Variants in STK24 observed in about 807,000 individuals in gnomAD.
STK24 encodes serine/threonine kinase 24.
A neutral mutation model predicts 55.6 loss-of-function variants in STK24; 21 were observed. The ratio of observed to expected loss-of-function variants is 0.38; its 90% CI spans 0.27 to 0.54. The LOEUF (loss-of-function observed/expected upper bound fraction) is 0.54, where lower values mean the gene tolerates loss of function less well. Ranked by LOEUF, STK24 falls within the 20% of genes least tolerant of loss-of-function variation. The probability of loss-of-function intolerance (pLI) is 0.79; values close to 1 mark genes in which losing one functional copy is unlikely to be tolerated. For missense variants in STK24, 383 were observed against 538.4 expected, an observed-to-expected ratio of 0.71 and a Z score of 2.86; for synonymous variants, 200 against 215.2, an observed-to-expected ratio of 0.93 and a Z score of 0.62.
At chr13:98,546,147 G>A (rs1344557911) in intron 1 of STK24, among the ~76,000 whole-genome samples, 2 of 152,196 alleles carry the variant, frequency 1.3e-5, no homozygotes, top group Non-Finnish European at 2.9e-5. Context: ...CAAAGGCTGG[G>A]CAGGGTGCTG....
At chr13:98,555,838 A>G (rs9517347) in intron 1 of STK24, among the ~76,000 whole-genome samples, 36,648 of 150,354 alleles carry the variant, frequency 0.24, 5,151 homozygotes, top group African/African-American at 0.39. Context: ...CCGCCACCAC[A>G]CCCGGTTAAT....
intron 5 of STK24, among the ~76,000 whole-genome samples, chr13:98,470,429 C>T (rs562631706): frequency 3.9e-5 from 6 of 152,268 alleles, no homozygotes; most frequent in East Asian, 3.9e-4. Flanking sequence ...CTGTGCCTGG[C>T]CTATGTCTGA....
At position 98,568,239 on chromosome 13, in the gene STK24, C is replaced by T. The variant is rs139390724; in HGVS notation, c.42+8506G>A. 8.6e-3 allele frequency among the ~76,000 whole-genome samples: 1,315 copies of T among 152,198 alleles called. 26 individuals are homozygous for T. The highest frequency in any genetic ancestry group is 0.029 in the African/African-American group (1,209 of 41,522). On this transcript the variant is annotated intron_variant, in intron 1 of 10. Transcript: ENST00000539966. ...CTCGAAATCCTGACCTCAAATGATCCACCCGCTTCGGCCTCCCAAAGTGCT... is the reference window on the plus strand; with the variant it reads ...CTCGAAATCCTGACCTCAAATGATCTACCCGCTTCGGCCTCCCAAAGTGCT...
chr13:98,515,991 T>C (rs1896043508), intron 2 of STK24, among the ~76,000 whole-genome samples: 1 of 152,352 alleles, frequency 6.6e-6, no homozygotes, highest in South Asian at 2.1e-4. Flanking sequence ...CCATTTGTCT[T>C]ACAAATCCAT....
Position 98,523,993 on chromosome 13 carries a change from A to G in STK24, c.43-4520T>C, listed in dbSNP as rs149287935. On this transcript the variant is annotated intron_variant, in intron 1 of 10. Transcript: ENST00000539966. ...GTGGCCGCCCCACTCTTCCTGTCCC[A>G]CAATTCTTGTTGAGCTGAGGCTCTC... Among the ~76,000 whole-genome samples, 926 of 151,994 alleles carry G rather than the reference A, an allele frequency of 6.1e-3. 9 individuals carry two copies. The highest frequency in any genetic ancestry group is 0.021 in the African/African-American group (874 of 41,468).
At chr13:98,571,882 G>A (rs1466331885) in intron 1 of STK24, among the ~76,000 whole-genome samples, 2 of 152,144 alleles carry the variant, frequency 1.3e-5, no homozygotes, top group Admixed American at 6.5e-5. Context: ...CCTCTTCCCT[G>A]AAGTGCTGCA....
intron 2 of STK24, among the ~76,000 whole-genome samples, chr13:98,486,289 C>T (rs531969477): frequency 3.3e-5 from 5 of 151,986 alleles, no homozygotes; most frequent in Non-Finnish European, 7.4e-5. Flanking sequence ...GCCGCACTCG[C>T]GCCACACCCC....
intron 6 of STK24, among the ~76,000 whole-genome samples, 181 bp from the exon 7 acceptor site, chr13:98,464,017 C>T (rs1419380658): frequency 6.6e-6 from 1 of 152,204 alleles, no homozygotes; most frequent in Non-Finnish European, 1.5e-5. Context: ...TACGCCTGGG[C>T]TCTGGGTGCT....
intron 1 of STK24, among the ~76,000 whole-genome samples, chr13:98,523,219 A>G (rs1229753627): frequency 6.6e-6 from 1 of 152,098 alleles, no homozygotes; most frequent in Non-Finnish European, 1.5e-5. Flanking sequence ...AAACACCATC[A>G]TGTTAGGTCA....
chr13:98,529,787 T>C (rs1177947690), intron 1 of STK24, among the ~76,000 whole-genome samples: 1 of 152,038 alleles, frequency 6.6e-6, no homozygotes, highest in Non-Finnish European at 1.5e-5. Context: ...CATTCAGCCA[T>C]CAAATGCAAT....
intron 2 of STK24, among the ~76,000 whole-genome samples, chr13:98,506,665 G>C (rs1895690066): frequency 6.6e-6 from 1 of 152,188 alleles, no homozygotes; most frequent in African/African-American, 2.4e-5. Context: ...TGTCAAAGTG[G>C]GGCACAGCTA....
intron 1 of STK24, among the ~76,000 whole-genome samples, chr13:98,539,014 G>A (rs1896811696): frequency 6.6e-6 from 1 of 152,200 alleles, no homozygotes; most frequent in South Asian, 2.1e-4. Context: ...AAGGGCGACA[G>A]CCAAGACTCA....
intron 1 of STK24, among the ~76,000 whole-genome samples, chr13:98,530,538 A>G (rs1157976672): frequency 6.6e-6 from 1 of 152,184 alleles, no homozygotes; most frequent in Non-Finnish European, 1.5e-5. Flanking sequence ...TCAGGCACAG[A>G]GCCTGAACAG....
intron 1 of STK24, among the ~76,000 whole-genome samples, chr13:98,545,701 CTCAG>C (rs1594658684): frequency 6.6e-6 from 1 of 151,498 alleles, no homozygotes; most frequent in Non-Finnish European, 1.5e-5. Context: ...TTCCTGGCTG[CTCAG>C]TCAGTGATTA....
At chr13:98,544,554 GAGGACAGA>G (rs949685002) in intron 1 of STK24, among the ~76,000 whole-genome samples, 1 of 152,226 alleles carries the variant, frequency 6.6e-6, no homozygotes, top group Non-Finnish European at 1.5e-5. Context: ...CCGGAGAGGA[GAGGACAGA>G]GCCGCCCGCC....
At chr13:98,550,304 C>A (rs1168118036) in intron 1 of STK24, among the ~76,000 whole-genome samples, 4 of 152,124 alleles carry the variant, frequency 2.6e-5, no homozygotes, top group Non-Finnish European at 5.9e-5. Flanking sequence ...TTTGGGAGGT[C>A]AAGGGGGGAA....
rs60756124 is a variant in STK24, at chr13:98,559,002, TAAAAAAAAAAAAAAAAA to T, written c.42+17726_42+17742del. ...CAACGTGGAGAAACCCTGTCTCTACTAAAAAAAAAAAAAAAAAAAAAAAAAAAAAATACAAAATTAGC... is the reference window on the plus strand; with the variant it reads ...CAACGTGGAGAAACCCTGTCTCTACTAAAAAAAAAAAAATACAAAATTAGC... On this transcript the variant is annotated intron_variant, in intron 1 of 10. Transcript: ENST00000539966. Among the ~76,000 whole-genome samples the T allele has an allele frequency of 5.6e-4, 24 of 43,036 alleles. 1 individual carries two copies. The Admixed American group carries it at 7.6e-3, about 14-fold the overall frequency. The allele number at this position is 43,036 out of a possible 152,430, so 28.2% of individuals were successfully genotyped here. A position where few individuals can be genotyped will look rare whatever the true frequency, so the allele number is the denominator to read the frequency against.
chr13:98,533,536 G>A (rs1369634394), intron 1 of STK24, among the ~76,000 whole-genome samples: 1 of 151,782 alleles, frequency 6.6e-6, no homozygotes, highest in African/African-American at 2.4e-5. Flanking sequence ...TGTAATCCCA[G>A]CTACTTGGAA....
intron 1 of STK24, among the ~76,000 whole-genome samples, chr13:98,550,951 A>T (rs1594662825): frequency 1.4e-5 from 2 of 147,852 alleles, no homozygotes; most frequent in East Asian, 3.9e-4. Context: ...AGTTCAACTT[A>T]AAAAAAAAAA....
Sources: gnomAD v4.1 joint callset for allele counts (sites outside exome capture counted in the v4.1 genomes callset) on GRCh38, gnomAD v4.1.1 for gene constraint, MANE v1.5 for transcripts, NCBI Gene and HGNC (gene_info 2026-07-23, HGNC 2026-07-21) for gene names.